MYOC: variants seen among roughly 807,000 people sequenced by gnomAD.
MYOC encodes the protein myocilin.
A neutral mutation model predicts 28.2 loss-of-function variants in MYOC; 29 were observed. The observed-to-expected ratio is 1.03, with a 90% CI of 0.77 to 1.40. The LOEUF (loss-of-function observed/expected upper bound fraction) is 1.40, where lower values mean the gene tolerates loss of function less well. MYOC is among the 40% of genes most tolerant of loss of function. MYOC has a pLI of 0.00. For missense variants in MYOC, 569 were observed against 620.6 expected (o/e 0.92, Z 0.88); for synonymous variants, 240 against 245.6 (o/e 0.98, Z 0.21).
chr1:171,636,616 T>C lies in MYOC; in HGVS notation c.824A>G (p.Lys275Arg). 6.2e-7 allele frequency: 1 copy of C among 1,612,750 alleles called. No homozygotes were observed. The highest frequency in any genetic ancestry group is 8.5e-7 in the Non-Finnish European group (1 of 1,179,720). The change falls in exon 3 of 3, where the codon AAG becomes AGG. Residue 275 changes from lysine to arginine, a missense_variant. Physicochemically the swap from Lys to Arg is conservative, Grantham distance 26. Transcript: ENST00000037502. Reference protein sequence around the residue: ...GKYGVWMRDPKPTYPYTQETT... With the variant: ...GKYGVWMRDPRPTYPYTQETT... ...CTCCTGGGTGTAGGGGTAGGTGGGC[T>C]TGGGGTCTCGCATCCACACACCATA...
At position 171,636,179 on chromosome 1, in the gene MYOC, T is replaced by A. The variant is rs1343888715; in HGVS notation, c.1261A>T (p.Ile421Phe). Reference sequence around the variant, plus strand: ...GCATTGGCGACTGACTGCTTACGGATGTTTGTCTCCCAGGTTTGTTCGAGT... The same window carrying A: ...GCATTGGCGACTGACTGCTTACGGAAGTTTGTCTCCCAGGTTTGTTCGAGT... ...LELEQTWETN[I>F]RKQSVANAFI... Residue 421 changes from isoleucine (I) to phenylalanine (F), a missense_variant, in exon 3 of 3, where the codon ATC becomes TTC. Coordinates refer to ENST00000037502, the MANE Select transcript of MYOC (RefSeq NM_000261.2). 2 of 1,614,060 alleles carry A rather than the reference T, an allele frequency of 1.2e-6. No homozygotes were observed. The highest frequency in any genetic ancestry group is 1.7e-6 in the Non-Finnish European group (2 of 1,180,038).
intron 1 of MYOC, 93 bp downstream of exon 1, chr1:171,651,915 A>G: frequency 1.3e-6 from 2 of 1,570,118 alleles, no homozygotes; most frequent in Non-Finnish European, 1.7e-6. Context: ...CTCTAGGAGA[A>G]AGGGCAGGCA....
rs145934417 is a variant in MYOC at position 171,636,553 on chromosome 1, C to T, written c.887G>A (p.Arg296His). The T allele has an allele frequency of 6.0e-5, 96 of 1,608,140 alleles. No individual in the cohort carries two copies. Among genetic ancestry groups the T allele is most frequent in the Non-Finnish European group, 6.8e-5 (80 of 1,176,246 alleles). Residue 296 changes from arginine to histidine, a missense_variant, in exon 3 of 3, where the codon CGC becomes CAC. By Grantham distance (29) the Arg-to-His change is conservative (BLOSUM62 0). Coordinates refer to ENST00000037502, the MANE Select transcript of MYOC (RefSeq NM_000261.2). ...GATGAGGTCATACTCAAAAACCTGG[C>T]GGACATCCGTGCCAACTGTGTCGAT... ...WRIDTVGTDVRQVFEYDLISQ... is the reference protein window; with the variant it reads ...WRIDTVGTDVHQVFEYDLISQ...
At chr1:171,645,119 C>G (rs1313174584) in intron 1 of MYOC, among the ~76,000 whole-genome samples, 1 of 152,126 alleles carries the variant, frequency 6.6e-6, no homozygotes, top group Non-Finnish European at 1.5e-5. Flanking sequence ...GGAGGGACAT[C>G]GTGGGAGGAA....
intron 2 of MYOC, among the ~76,000 whole-genome samples, chr1:171,637,098 A>C (rs957956280): frequency 6.6e-6 from 1 of 152,172 alleles, no homozygotes; most frequent in African/African-American, 2.4e-5. Context: ...GGGAGCTATA[A>C]AATATTTAAA....
chr1:171,651,210 TTTGC>T (rs1312734102), intron 1 of MYOC, among the ~76,000 whole-genome samples: 3 of 152,144 alleles, frequency 2.0e-5, no homozygotes, highest in Non-Finnish European at 2.9e-5. Flanking sequence ...AACAACTGGA[TTTGC>T]TTGCTTATTT....
intron 1 of MYOC, among the ~76,000 whole-genome samples, chr1:171,649,720 G>A (rs4916399): frequency 0.047 from 7,203 of 152,174 alleles, 255 homozygotes; most frequent in Non-Finnish European, 0.075. Context: ...GCTTGAACCC[G>A]GGAGGCAGAG....
At chr1:171,649,544 C>A (rs1256080848) in intron 1 of MYOC, among the ~76,000 whole-genome samples, 1 of 152,172 alleles carries the variant, frequency 6.6e-6, no homozygotes, top group African/African-American at 2.4e-5. Context: ...ACCTGTAATC[C>A]CAGTGCTTTG....
chr1:171,648,383 T>G (rs1653254396), intron 1 of MYOC, among the ~76,000 whole-genome samples: 2 of 152,054 alleles, frequency 1.3e-5, no homozygotes, highest in African/African-American at 4.8e-5. Flanking sequence ...TTGCCCACTG[T>G]GGTGACTAGC....
At chr1:171,641,014 G>A (rs866457425) in intron 1 of MYOC, among the ~76,000 whole-genome samples, 2 of 152,102 alleles carry the variant, frequency 1.3e-5, no homozygotes, top group African/African-American at 4.8e-5. Flanking sequence ...CATAGAAGGC[G>A]CAACACCAAA....
At position 171,652,273 on chromosome 1, in the gene MYOC, G is replaced by T. The variant is rs1315269847; in HGVS notation, c.339C>A (p.Thr113=). The T allele has an allele frequency of 6.2e-7, 1 of 1,613,614 alleles. No homozygotes were observed. Among genetic ancestry groups the T allele is most frequent in the African/African-American group, 1.3e-5 (1 of 74,978 alleles). The change falls in exon 1 of 3, where the codon ACC becomes ACA. Residue 113 remains threonine, a synonymous_variant. Coordinates refer to ENST00000037502, the MANE Select transcript of MYOC (RefSeq NM_000261.2). The stretch of plus-strand genomic sequence containing the variant: ...CCAGCTCCCTCTGCAGCCCCTCCTG[G>T]GTCTCCTGGGGCCTGGCAGCCTGGT... ...TLDQAARPQE[T]QEGLQRELGT...
intron 2 of MYOC, 53 bp from the exon 3 acceptor site, chr1:171,636,762 A>C: frequency 1.3e-6 from 2 of 1,570,632 alleles, no homozygotes; most frequent in Non-Finnish European, 1.7e-6. Flanking sequence ...AATCTTTCCA[A>C]ACACAGACAA....
intron 1 of MYOC, among the ~76,000 whole-genome samples, chr1:171,649,461 G>A (rs1489520329): frequency 6.6e-6 from 1 of 152,102 alleles, no homozygotes; most frequent in Non-Finnish European, 1.5e-5. Flanking sequence ...TACCTTTAGG[G>A]TCTATAAACC....
Position 171,636,302 on chromosome 1 carries a change from C to T in MYOC, c.1138G>A (p.Asp380Asn), listed in dbSNP as rs121909194. 1.2e-6 allele frequency: 2 copies of T among 1,614,088 alleles called. No individual in the cohort carries two copies. The highest frequency in any genetic ancestry group is 1.3e-5 in the African/African-American group (1 of 75,008). ...AGGCCTGCTTCATCCACAGCCAAGT[C>T]AATGTCCGTGTAGCCACCCCAAGAA... is the stretch of plus-strand genomic sequence containing the variant. ...PYSWGGYTDI[D>N]LAVDEAGLWV... Residue 380 changes from aspartate to asparagine, a missense_variant, in exon 3 of 3, where the codon GAC (aspartate) becomes AAC (asparagine). Physicochemically the swap from Asp to Asn is conservative, Grantham distance 23 (BLOSUM62 1). Coordinates refer to ENST00000037502, the MANE Select transcript of MYOC (RefSeq NM_000261.2).
intron 1 of MYOC, among the ~76,000 whole-genome samples, chr1:171,644,761 T>G (rs1365375475): frequency 3.3e-5 from 5 of 152,326 alleles, no homozygotes; most frequent in Non-Finnish European, 5.9e-5. Flanking sequence ...CTACTACTTA[T>G]TAAGTGTCTC....
Position 171,636,544 on chromosome 1 carries a change from A to G in MYOC, c.896T>C (p.Phe299Ser). 6.2e-7 allele frequency: 1 copy of G among 1,609,248 alleles called. No homozygotes were observed. The highest frequency in any genetic ancestry group is 8.5e-7 in the Non-Finnish European group (1 of 1,176,786). Residue 299 changes from phenylalanine (F) to serine (S), a missense_variant, in exon 3 of 3, where the codon TTT becomes TCT. Transcript: ENST00000037502. ...AAACTGGCTGATGAGGTCATACTCA[A>G]AAACCTGGCGGACATCCGTGCCAAC... is the stretch of plus-strand genomic sequence containing the variant. ...DTVGTDVRQVFEYDLISQFMQ... is the reference protein window; with the variant it reads ...DTVGTDVRQVSEYDLISQFMQ...
chr1:171,643,147 G>T (rs910106422), intron 1 of MYOC, among the ~76,000 whole-genome samples: 3 of 152,276 alleles, frequency 2.0e-5, no homozygotes, highest in East Asian at 3.9e-4. Context: ...GCCTAGGAGG[G>T]TATCCAGGGC....
At chr1:171,645,697 G>A (rs1653184782) in intron 1 of MYOC, among the ~76,000 whole-genome samples, 1 of 152,230 alleles carries the variant, frequency 6.6e-6, no homozygotes, top group Admixed American at 6.5e-5. Flanking sequence ...CACTTTGTGG[G>A]GTGACCCACT....
At chr1:171,643,522 G>A (rs971329795) in intron 1 of MYOC, 2 of 152,304 alleles carry the variant, frequency 1.3e-5, no homozygotes, top group African/African-American at 4.8e-5. Flanking sequence ...CTCATTCGAT[G>A]TGGCAAAGTC....
Sources: gnomAD v4.1 joint callset for allele counts (sites outside exome capture counted in the v4.1 genomes callset) on GRCh38, gnomAD v4.1.1 for gene constraint, MANE v1.5 for transcripts, NCBI Gene and HGNC (gene_info 2026-07-23, HGNC 2026-07-21) for gene names.